The following ZNF609 variants were observed in gnomAD, a reference collection of about 807,000 sequenced individuals.
The protein encoded by ZNF609 is zinc finger protein 609.
In ZNF609, 11 loss-of-function variants were observed where a neutral mutation model predicts 109.5. The observed-to-expected ratio is 0.10, with a 90% confidence interval of 0.06 to 0.17. ZNF609 has a LOEUF of 0.17. ZNF609 is among the 10% of genes least tolerant of loss of function. The probability of loss-of-function intolerance (pLI) is 1.00; values close to 1 mark genes in which losing one functional copy is unlikely to be tolerated. For synonymous variants in ZNF609, 646 were observed against 662.0 expected (o/e 0.98, Z 0.37); for missense variants, 1,559 against 1,772.4 (o/e 0.88, Z 2.16).
At chr15:64,632,479 A>AT (rs1567035000) in intron 3 of ZNF609, among the ~76,000 whole-genome samples, 1 of 151,640 alleles carries the variant, frequency 6.6e-6, no homozygotes, top group Non-Finnish European at 1.5e-5. Context: ...TTTTTATTTT[A>AT]TTTTTTATTT....
intron 2 of ZNF609, among the ~76,000 whole-genome samples, chr15:64,513,714 T>C (rs1893766576): frequency 6.6e-6 from 1 of 152,184 alleles, no homozygotes; most frequent in African/African-American, 2.4e-5. Flanking sequence ...ATGAAAAATA[T>C]GTATTTGTAA....
At chr15:64,489,719 A>G (rs1268014518) in intron 1 of ZNF609, among the ~76,000 whole-genome samples, 1 of 151,008 alleles carries the variant, frequency 6.6e-6, no homozygotes, top group African/African-American at 2.4e-5. Context: ...TAGTAAAGAC[A>G]GTTTCCCCAT....
intron 2 of ZNF609, among the ~76,000 whole-genome samples, chr15:64,544,672 A>C (rs541400719): frequency 6.6e-6 from 1 of 152,350 alleles, no homozygotes; most frequent in South Asian, 2.1e-4. Flanking sequence ...CAAAGCCAGC[A>C]GTGACTGTCA....
At chr15:64,535,651 G>C (rs1229390103) in intron 2 of ZNF609, among the ~76,000 whole-genome samples, 1 of 152,212 alleles carries the variant, frequency 6.6e-6, no homozygotes, top group East Asian at 1.9e-4. Context: ...GTGCCCAAGA[G>C]TGCAGTTGCT....
intron 2 of ZNF609, among the ~76,000 whole-genome samples, chr15:64,506,380 C>T (rs1236771490): frequency 2.0e-5 from 3 of 150,400 alleles, no homozygotes; most frequent in Non-Finnish European, 3.0e-5. Context: ...GCCTTGGCCT[C>T]CCAAAGTGCT....
At chr15:64,673,874 T>G in intron 4 of ZNF609, 42 bp from the exon 5 acceptor site, 1 of 1,564,674 alleles carries the variant, frequency 6.4e-7, no homozygotes, top group Non-Finnish European at 8.7e-7. Flanking sequence ...GAAGATGTTT[T>G]CTCTTCTTAA....
At position 64,664,179 on chromosome 15, in the gene ZNF609, G is replaced by T. The variant is rs182106246; in HGVS notation, c.974-6167G>T. ...GGAGGCAGAGGCTGGAGTGAGCCGA[G>T]ATTGCACCACTGCACTCCAGCCTGG... On this transcript the variant is annotated intron_variant, in intron 3 of 9. Transcript: ENST00000326648. Among the ~76,000 whole-genome samples the T allele has an allele frequency of 3.6e-3, 552 of 152,204 alleles. 5 individuals are homozygous for T. Among genetic ancestry groups the T allele is most frequent in the Middle Eastern group, 0.017 (5 of 294 alleles).
chr15:64,519,792 T>C (rs1893864743), intron 2 of ZNF609, among the ~76,000 whole-genome samples: 1 of 152,208 alleles, frequency 6.6e-6, no homozygotes, highest in Non-Finnish European at 1.5e-5. Flanking sequence ...AGCATAGATA[T>C]TGTAATCAGG....
chr15:64,667,054 C>T (rs1011683221), intron 3 of ZNF609, among the ~76,000 whole-genome samples: 7 of 151,974 alleles, frequency 4.6e-5, no homozygotes, highest in South Asian at 2.1e-4. Flanking sequence ...GGCGTGAACC[C>T]GGGAGACGGA....
intron 2 of ZNF609, among the ~76,000 whole-genome samples, chr15:64,605,730 T>C (rs1895583220): frequency 6.6e-6 from 1 of 150,818 alleles, no homozygotes; most frequent in South Asian, 2.1e-4. Context: ...TTTTTCTTTT[T>C]CTTTCTTTTT....
chr15:64,548,534 G>A lies in ZNF609; in HGVS notation c.747+48368G>A, dbSNP rs140554940. Among the ~76,000 whole-genome samples, 593 of 152,302 alleles carry A rather than the reference G, an allele frequency of 3.9e-3. 7 individuals carry two copies. The highest frequency in any genetic ancestry group is 0.014 in the African/African-American group (574 of 41,566). On this transcript the variant is annotated intron_variant, in intron 2 of 9. Coordinates refer to ENST00000326648, the MANE Select transcript of ZNF609 (RefSeq NM_015042.2). ...CTAACACTTTGGGAGCCTCTGGTAG[G>A]CAGATTGCTGGAGCCTAGGAATTCA...
chr15:64,590,861 A>G (rs988364086), intron 2 of ZNF609, among the ~76,000 whole-genome samples: 2 of 152,088 alleles, frequency 1.3e-5, no homozygotes, highest in South Asian at 4.1e-4. Context: ...CAAACACAAA[A>G]TGTTATCCCT....
At chr15:64,567,879 T>G (rs1448305044) in intron 2 of ZNF609, among the ~76,000 whole-genome samples, 1 of 152,042 alleles carries the variant, frequency 6.6e-6, no homozygotes, top group Non-Finnish European at 1.5e-5. Context: ...GCCAGGATGG[T>G]CTCGATCTCC....
At chr15:64,515,175 GAA>G (rs1192637937) in intron 2 of ZNF609, among the ~76,000 whole-genome samples, 2 of 152,130 alleles carry the variant, frequency 1.3e-5, no homozygotes, top group East Asian at 3.8e-4. Context: ...TATGTATCTT[GAA>G]AACTACTGTA....
At position 64,478,672 on chromosome 15, in the gene ZNF609, T is replaced by C. The variant is rs116039391; in HGVS notation, c.-128+17834T>C. ...GGGATTACAAGTATGAGCCACCACA[T>C]GGCCAGAATAAATGAATTTTGTGGT... is the stretch of plus-strand genomic sequence containing the variant. On this transcript the variant is annotated intron_variant, in intron 1 of 9. Coordinates refer to ENST00000326648, the MANE Select transcript of ZNF609 (RefSeq NM_015042.2). Among the ~76,000 whole-genome samples, 1,337 of 152,214 alleles carry C rather than the reference T, an allele frequency of 8.8e-3. 22 individuals carry two copies. The highest frequency in any genetic ancestry group is 0.031 in the African/African-American group (1,270 of 41,544).
At chr15:64,574,120 T>C (rs1894907379) in intron 2 of ZNF609, among the ~76,000 whole-genome samples, 1 of 151,522 alleles carries the variant, frequency 6.6e-6, no homozygotes, top group South Asian at 2.1e-4. Flanking sequence ...ACAGCTGGAA[T>C]TGTGGCACTG....
chr15:64,613,219 G>A (rs1895745221), intron 2 of ZNF609, among the ~76,000 whole-genome samples: 1 of 152,074 alleles, frequency 6.6e-6, no homozygotes, highest in African/African-American at 2.4e-5. Context: ...TACTTGAGAG[G>A]CTGAGGTGGG....
intron 2 of ZNF609, among the ~76,000 whole-genome samples, chr15:64,543,736 G>A (rs1460306028): frequency 1.3e-5 from 2 of 152,166 alleles, no homozygotes; most frequent in East Asian, 1.9e-4. Flanking sequence ...AAGCCACCAC[G>A]CTCAGCCTCT....
At chr15:64,641,585 C>T (rs1896258641) in intron 3 of ZNF609, among the ~76,000 whole-genome samples, 1 of 152,036 alleles carries the variant, frequency 6.6e-6, no homozygotes, top group Non-Finnish European at 1.5e-5. Context: ...TTTTTGTTTT[C>T]TCTCCAACCC....
Sources: allele counts gnomAD v4.1 joint callset (sites outside exome capture counted in the v4.1 genomes callset), GRCh38; gene constraint gnomAD v4.1.1; transcripts MANE v1.5; gene names NCBI Gene and HGNC (gene_info 2026-07-23, HGNC 2026-07-21).